The following ACVR2B variants were observed in gnomAD, a reference collection of about 807,000 sequenced individuals.
ACVR2B encodes activin A receptor type 2B.
ACVR2B carries 18 observed loss-of-function variants against 65.1 expected under a neutral mutation model. The observed-to-expected ratio is 0.28, with a 90% confidence interval of 0.19 to 0.41. The LOEUF (loss-of-function observed/expected upper bound fraction) is 0.41. ACVR2B is among the 10% of genes least tolerant of loss of function. ACVR2B has a pLI of 1.00. For synonymous variants in ACVR2B, 298 were observed against 277.7 expected, an observed-to-expected ratio of 1.07 and a Z score of -0.73; for missense variants, 482 against 682.7, an observed-to-expected ratio of 0.71 and a Z score of 3.28.
intron 1 of ACVR2B, among the ~76,000 whole-genome samples, chr3:38,458,363 G>T (rs1709585226): frequency 6.6e-6 from 1 of 152,234 alleles, no homozygotes; most frequent in Non-Finnish European, 1.5e-5. Context: ...GTGTGCATGT[G>T]TGTGTACATT....
chr3:38,482,712 A>T (rs1710039765), intron 10 of ACVR2B, 152 bp downstream of exon 10: 2 of 1,177,584 alleles, frequency 1.7e-6, no homozygotes, highest in Non-Finnish European at 2.4e-6. Flanking sequence ...GGTTATGGGG[A>T]GTGAGGTAGG....
rs11914389 is a variant in ACVR2B at position 38,485,724 on chromosome 3, T to C, written c.*2392T>C. On this transcript the variant is annotated 3_prime_UTR_variant, in exon 11 of 11. Coordinates refer to ENST00000352511, the MANE Select transcript of ACVR2B (RefSeq NM_001106.4). ...TTTGATTTTGTGCTGTGGTATTTTT[T>C]TTCCCTTAGAATAATTTTTAATGGC... 62,232 of 140,350 alleles carry C rather than the reference T, an allele frequency of 0.44. 15,371 individuals are homozygous for C. The highest frequency in any genetic ancestry group is 0.56 in the Non-Finnish European group (36,761 of 65,162). The allele number at this position is 140,350 out of a possible 1,614,324, so 8.7% of individuals were successfully genotyped here.
At position 38,482,200 on chromosome 3, in the gene ACVR2B, A is replaced by G. The variant is rs1575589729; in HGVS notation, c.1077A>G (p.Val359=). 6.2e-7 allele frequency: 1 copy of G among 1,613,734 alleles called. No individual in the cohort carries two copies. Among genetic ancestry groups the G allele is most frequent in the Non-Finnish European group, 8.5e-7 (1 of 1,179,962 alleles). The part of the protein sequence containing the change: ...GKPPGDTHGQ[V]GTRRYMAPEV... ...TGCCCTCCTCTGTCCTCACATAGGT[A>G]GGCACGAGACGGTACATGGCTCCTG... Residue 359 remains valine, a splice_region_variant and synonymous_variant, in exon 9 of 11, where the codon GTA becomes GTG. Transcript: ENST00000352511.
intron 6 of ACVR2B, 110 bp downstream of exon 6, chr3:38,479,381 C>A: frequency 6.6e-7 from 1 of 1,518,016 alleles, no homozygotes; most frequent in Non-Finnish European, 9.1e-7. Context: ...ATGAAGTACT[C>A]TGCCCCGGTA....
intron 1 of ACVR2B, among the ~76,000 whole-genome samples, chr3:38,463,830 A>G (rs922613480): frequency 3.9e-5 from 6 of 152,262 alleles, no homozygotes; most frequent in East Asian, 1.9e-4. Context: ...TTTTCTTACA[A>G]TTCTGGGGAC....
Position 38,481,424 on chromosome 3 carries a change from C to G in ACVR2B, c.1033C>G (p.Arg345Gly). 6.2e-7 allele frequency: 1 copy of G among 1,614,166 alleles called. No homozygotes were observed. The highest frequency in any genetic ancestry group is 8.5e-7 in the Non-Finnish European group (1 of 1,180,018). Residue 345 changes from arginine (R) to glycine (G), a missense_variant, in exon 8 of 11, where the codon CGA becomes GGA. Coordinates refer to ENST00000352511, the MANE Select transcript of ACVR2B (RefSeq NM_001106.4). The surrounding 1 kb of genome is among the most constrained non-coding windows in gnomAD (Gnocchi z 4.7). ...GCTGGCTGACTTTGGCTTGGCTGTT[C>G]GATTTGAGCCAGGGAAACCTCCAGG... ...AVLADFGLAVRFEPGKPPGDT... is the reference protein window; with the variant it reads ...AVLADFGLAVGFEPGKPPGDT...
chr3:38,478,330 G>C (rs1165091317), intron 4 of ACVR2B, 38 bp downstream of exon 4: 2 of 1,614,000 alleles, frequency 1.2e-6, no homozygotes, highest in Middle Eastern at 1.6e-4. Flanking sequence ...CAGGATAGAG[G>C]TGGGGAGGAC....
At chr3:38,470,455 A>C (rs1165587541) in intron 1 of ACVR2B, among the ~76,000 whole-genome samples, 1 of 152,252 alleles carries the variant, frequency 6.6e-6, no homozygotes, top group Non-Finnish European at 1.5e-5. Context: ...TTTTATGTTC[A>C]TCTAAATTGC....
Position 38,466,253 on chromosome 3 carries a change from A to C in ACVR2B, c.53-11034A>C, listed in dbSNP as rs559656610. 4.3e-4 allele frequency among the ~76,000 whole-genome samples: 66 copies of C among 152,308 alleles called. 1 individual carries two copies. Among genetic ancestry groups the C allele is most frequent in the Middle Eastern group, 3.4e-3 (1 of 294 alleles). ...GATGGGGAGAGGGTGGTCAAAGGGT[A>C]CAAAATTACATTTAAAGGAAAAAAT... On this transcript the variant is annotated intron_variant, in intron 1 of 10. Transcript: ENST00000352511.
In ACVR2B at chr3:38,489,296, T is replaced by C. The variant is rs1483827297; in HGVS notation, c.*5964T>C. The stretch of plus-strand genomic sequence containing the variant: ...TAGTTATATCACTTGACAGATTTCT[T>C]CTACACAGTGTGGAGATTGTTTTAT... On this transcript the variant is annotated 3_prime_UTR_variant, in exon 11 of 11. Transcript: ENST00000352511. The C allele has an allele frequency of 6.5e-6, 1 of 152,684 alleles. No individual in the cohort carries two copies. Among genetic ancestry groups the C allele is most frequent in the Non-Finnish European group, 1.5e-5 (1 of 68,042 alleles). The allele number at this position is 152,684 out of a possible 1,614,324, so 9.5% of individuals were successfully genotyped here. A position where few individuals can be genotyped will look rare whatever the true frequency, so the allele number is the denominator to read the frequency against.
chr3:38,492,731 T>TACACACACACACACACAC lies in ACVR2B; in HGVS notation c.*9455_*9472dup, dbSNP rs55986551. The TACACACACACACACACAC allele has an allele frequency of 3.2e-5, 4 of 124,856 alleles. No homozygotes were observed. The highest frequency in any genetic ancestry group is 2.5e-4 in the East Asian group (1 of 4,062). 7.7% of individuals were successfully genotyped at this position (124,856 alleles called of 1,614,324 possible). On this transcript the variant is annotated 3_prime_UTR_variant, in exon 11 of 11. Transcript: ENST00000352511. ...AGTGTGCTGATTTATATATATATATTACACACACACACACACACACACACA... is the reference window on the plus strand; with the variant it reads ...AGTGTGCTGATTTATATATATATATTACACACACACACACACACACACACACACACACACACACACACA...
intron 1 of ACVR2B, among the ~76,000 whole-genome samples, chr3:38,462,479 A>C (rs1413804608): frequency 6.6e-6 from 1 of 152,184 alleles, no homozygotes; most frequent in Non-Finnish European, 1.5e-5. Flanking sequence ...TACTATTCTA[A>C]CTTCTAACAG....
rs1058945 is a variant in ACVR2B at position 38,491,020 on chromosome 3, G to A, written c.*7688G>A. 0.43 allele frequency: 65,076 copies of A among 152,208 alleles called. 16,258 individuals carry two copies. The highest frequency in any genetic ancestry group is 0.57 in the Non-Finnish European group (38,911 of 67,954). The allele number at this position is 152,208 out of a possible 1,614,324, so 9.4% of individuals were successfully genotyped here. ...AGCTCTTTGTAACACATTTCCAGTC[G>A]CTAATGCTCAAATGTAGAACATTCC... On this transcript the variant is annotated 3_prime_UTR_variant, in exon 11 of 11. Transcript: ENST00000352511.
rs1289280843 is a variant in ACVR2B at position 38,489,273 on chromosome 3, G to T, written c.*5941G>T. 6.6e-6 allele frequency: 1 copy of T among 152,598 alleles called. No homozygotes were observed. The highest frequency in any genetic ancestry group is 2.1e-4 in the South Asian group (1 of 4,826). 9.5% of individuals were successfully genotyped at this position (152,598 alleles called of 1,614,324 possible). A position where few individuals can be genotyped will look rare whatever the true frequency, so the allele number is the denominator to read the frequency against. On this transcript the variant is annotated 3_prime_UTR_variant, in exon 11 of 11. Transcript: ENST00000352511. ...ATCGATAGTTCTACATATATATTTA[G>T]TTATATCACTTGACAGATTTCTTCT...
In ACVR2B at chr3:38,478,132, G is replaced by C. The variant is rs374269276; in HGVS notation, c.371-9G>C. On this transcript the variant is annotated splice_polypyrimidine_tract_variant and intron_variant, in intron 3 of 10. Coordinates refer to ENST00000352511, the MANE Select transcript of ACVR2B (RefSeq NM_001106.4). ...GACTGTTTGACACAGGGCTCTGTGTGTCCCCCAGTCACGTACGAGCCACCC... is the reference window on the plus strand; with the variant it reads ...GACTGTTTGACACAGGGCTCTGTGTCTCCCCCAGTCACGTACGAGCCACCC... 9 of 1,610,918 alleles carry C rather than the reference G, an allele frequency of 5.6e-6. No individual in the cohort carries two copies. The highest frequency in any genetic ancestry group is 4.4e-5 in the South Asian group (4 of 90,978).
Position 38,482,532 on chromosome 3 carries a change from C to A in ACVR2B, c.1316C>A (p.Thr439Asn), listed in dbSNP as rs1245070605. 1.9e-6 allele frequency: 3 copies of A among 1,611,432 alleles called. No individual in the cohort carries two copies. In the Admixed American group the frequency reaches 5.0e-5, roughly 27 times the overall value. ...GTGGTGCACAAGAAGATGAGGCCCA[C>A]CATTAAAGATCACTGGTTGAAACAC... is the stretch of plus-strand genomic sequence containing the variant. ...EVVVHKKMRP[T>N]IKDHWLKHPG... Residue 439 changes from threonine (T) to asparagine (N), a missense_variant, in exon 10 of 11, where the codon ACC becomes AAC. Coordinates refer to ENST00000352511, the MANE Select transcript of ACVR2B (RefSeq NM_001106.4).
chr3:38,468,744 A>G (rs1200778343), intron 1 of ACVR2B, among the ~76,000 whole-genome samples: 2 of 152,152 alleles, frequency 1.3e-5, no homozygotes, highest in Non-Finnish European at 1.5e-5. Flanking sequence ...ATCAGTTACC[A>G]TGTGTGTAAG....
chr3:38,489,753 G>A lies in ACVR2B; in HGVS notation c.*6421G>A, dbSNP rs898966848. 1.3e-5 allele frequency: 2 copies of A among 152,450 alleles called. No homozygotes were observed. Among genetic ancestry groups the A allele is most frequent in the Non-Finnish European group, 2.9e-5 (2 of 68,046 alleles). The allele number at this position is 152,450 out of a possible 1,614,324, so 9.4% of individuals were successfully genotyped here. A position where few individuals can be genotyped will look rare whatever the true frequency, so the allele number is the denominator to read the frequency against. The stretch of plus-strand genomic sequence containing the variant: ...TGGGATGGGACTCGAATAAGATTCA[G>A]GTACAAAAACTTTGAAATGAGAATC... On this transcript the variant is annotated 3_prime_UTR_variant, in exon 11 of 11. Coordinates refer to ENST00000352511, the MANE Select transcript of ACVR2B (RefSeq NM_001106.4).
At chr3:38,469,038 C>T (rs1379478583) in intron 1 of ACVR2B, among the ~76,000 whole-genome samples, 1 of 152,134 alleles carries the variant, frequency 6.6e-6, no homozygotes, top group Non-Finnish European at 1.5e-5. Flanking sequence ...GGTCACCTGG[C>T]TTGGTTCCTT....
Sources: allele counts gnomAD v4.1 joint callset (sites outside exome capture counted in the v4.1 genomes callset), GRCh38; gene constraint gnomAD v4.1.1; non-coding constraint Gnocchi (gnomAD v3.1); transcripts MANE v1.5; gene names NCBI Gene and HGNC (gene_info 2026-07-23, HGNC 2026-07-21).